The following GCC2 variants were observed in gnomAD, a reference collection of about 807,000 sequenced individuals.
GCC2 encodes the protein GRIP and coiled-coil domain-containing protein 2.
GCC2 carries 120 observed loss-of-function variants against 210.6 expected under a neutral mutation model. The ratio of observed to expected loss-of-function variants is 0.57; its 90% CI spans 0.49 to 0.66. The LOEUF (loss-of-function observed/expected upper bound fraction) is 0.66, where lower values mean the gene tolerates loss of function less well. GCC2 is among the 30% of genes least tolerant of loss of function. GCC2 has a pLI of 0.00. For synonymous variants in GCC2, 703 were observed against 652.7 expected, an observed-to-expected ratio of 1.08 and a Z score of -1.17; for missense variants, 1,868 against 1,871.9, an observed-to-expected ratio of 1.00 and a Z score of 0.04.
chr2:108,464,367 G>A (rs114539745), intron 4 of GCC2, among the ~76,000 whole-genome samples: 6 of 152,186 alleles, frequency 3.9e-5, no homozygotes, highest in East Asian at 3.9e-4. Flanking sequence ...CCAGGTTGCC[G>A]GGCAAGACAT....
At chr2:108,501,492 T>A in intron 22 of GCC2, among the ~76,000 whole-genome samples, 1 of 152,024 alleles carries the variant, frequency 6.6e-6, no homozygotes, top group Non-Finnish European at 1.5e-5. Flanking sequence ...ACATCATAGA[T>A]GGTATTGTGT....
Position 108,485,794 on chromosome 2 carries a change from C to T in GCC2, c.3715-37C>T, listed in dbSNP as rs201443391. 43 of 1,442,716 alleles carry T rather than the reference C, an allele frequency of 3.0e-5. No homozygotes were observed. The Admixed American group carries it at 8.7e-4, about 29-fold the overall frequency. The allele number at this position is 1,442,716 out of a possible 1,614,324, so 89.4% of individuals were successfully genotyped here. On this transcript the variant is annotated intron_variant, in intron 14 of 22. Coordinates refer to ENST00000309863, the MANE Select transcript of GCC2 (RefSeq NM_181453.4). ...TTATTCATAATTTATTTATGAGTAA[C>T]ATTAAAAAAAATTTAACCAAGATTC...
Position 108,471,286 on chromosome 2 carries a change from G to A in GCC2, c.1957G>A (p.Glu653Lys). Residue 653 changes from glutamate (E) to lysine (K), a missense_variant, in exon 6 of 23, where the codon GAG becomes AAG. This residue lies in a region of GCC2 where 1,847 missense variants were observed against 1,765.2 expected (regional missense o/e 1.05). Transcript: ENST00000309863. ...GGTAAATGAATTAACAGGAGGACTA[G>A]AGGAGACTTTAAAAGAAAAGGATCA... ...QKVNELTGGL[E>K]ETLKEKDQND... is the part of the protein sequence containing the mutation. 6.2e-7 allele frequency: 1 copy of A among 1,611,600 alleles called. No individual in the cohort carries two copies.
chr2:108,472,400 CAACT>C (rs997802867), intron 6 of GCC2, among the ~76,000 whole-genome samples: 2 of 152,026 alleles, frequency 1.3e-5, no homozygotes, highest in Non-Finnish European at 2.9e-5. Flanking sequence ...ACTAGCAAAA[CAACT>C]AAACATGGAA....
At chr2:108,464,702 A>G (rs748726554) in intron 4 of GCC2, among the ~76,000 whole-genome samples, 3 of 152,128 alleles carry the variant, frequency 2.0e-5, no homozygotes, top group South Asian at 2.1e-4. Flanking sequence ...TTGCATTGCT[A>G]TGAAGAAATA....
chr2:108,481,670 C>T (rs1681857287), intron 9 of GCC2, 27 bp from the exon 10 acceptor site: 4 of 1,556,848 alleles, frequency 2.6e-6, no homozygotes, highest in Non-Finnish European at 3.5e-6. Flanking sequence ...AATTATATAC[C>T]AAAGTTAAAT....
intron 7 of GCC2, chr2:108,474,997 A>C (rs545909467): frequency 6.6e-6 from 1 of 152,428 alleles, no homozygotes; most frequent in South Asian, 2.1e-4. Context: ...AATTCAGATC[A>C]TAACTGAATT....
intron 4 of GCC2, among the ~76,000 whole-genome samples, chr2:108,453,204 C>T (rs1393282793): frequency 2.6e-5 from 4 of 152,224 alleles, no homozygotes. Context: ...CAAATTGCTT[C>T]CCTTGGTTAG....
intron 4 of GCC2, among the ~76,000 whole-genome samples, chr2:108,466,497 G>C (rs576446110): frequency 6.6e-6 from 1 of 150,986 alleles, no homozygotes; most frequent in South Asian, 2.1e-4. Context: ...TTTTGAGACA[G>C]AGTCTCGCTC....
At chr2:108,477,539 C>T (rs1225064094) in intron 9 of GCC2, among the ~76,000 whole-genome samples, 2 of 152,094 alleles carry the variant, frequency 1.3e-5, no homozygotes, top group African/African-American at 2.4e-5. Flanking sequence ...ATTGTTTCAC[C>T]AACTAAGCTA....
chr2:108,449,359 G>A (rs1679772774), intron 1 of GCC2, 79 bp downstream of exon 1: 1 of 1,513,700 alleles, frequency 6.6e-7, no homozygotes, highest in Non-Finnish European at 8.9e-7. Context: ...CCCGATGGGA[G>A]GGCGCGGTAG....
intron 21 of GCC2, 74 bp downstream of exon 21, chr2:108,497,183 C>G: frequency 6.2e-7 from 1 of 1,607,436 alleles, no homozygotes; most frequent in Non-Finnish European, 8.5e-7. Flanking sequence ...CATGCACGAT[C>G]TCAGCTCACT....
Position 108,475,672 on chromosome 2 carries a change from C to CA in GCC2, c.2961+38dup, listed in dbSNP as rs754098369. 6 of 1,432,104 alleles carry CA rather than the reference C, an allele frequency of 4.2e-6. No homozygotes were observed. The South Asian group carries it at 6.2e-5, about 15-fold the overall frequency. 88.7% of individuals were successfully genotyped at this position (1,432,104 alleles called of 1,614,324 possible). On this transcript the variant is annotated intron_variant, in intron 8 of 22. Coordinates refer to ENST00000309863, the MANE Select transcript of GCC2 (RefSeq NM_181453.4). ...TTAAAAATGTAAGATTCCGGAATCT[C>CA]ACATTTTTAAAAATCAAGAGTTTTT...
rs200556970 is a variant in GCC2, at chr2:108,469,106, C to A, written c.321+22C>A. On this transcript the variant is annotated intron_variant, in intron 5 of 22. Transcript: ENST00000309863. Reference sequence around the variant, plus strand: ...TGAGGTAAGTCAATATTTTAGTGTTCTTTTCTTTTTTATTAACATATAGTG... The same window carrying A: ...TGAGGTAAGTCAATATTTTAGTGTTATTTTCTTTTTTATTAACATATAGTG... 2.5e-4 allele frequency: 360 copies of A among 1,428,428 alleles called. No individual in the cohort carries two copies. The African/African-American group carries it at 4.4e-3, about 18-fold the overall frequency. The allele number at this position is 1,428,428 out of a possible 1,614,324, so 88.5% of individuals were successfully genotyped here.
chr2:108,482,216 T>C (rs1230832762), intron 10 of GCC2, 71 bp from the exon 11 acceptor site: 3 of 832,546 alleles, frequency 3.6e-6, no homozygotes, highest in Non-Finnish European at 5.8e-6. Context: ...CTCATTAATG[T>C]ACCTGTTCAT....
intron 4 of GCC2, among the ~76,000 whole-genome samples, chr2:108,461,834 TTC>T (rs1168122653): frequency 1.4e-5 from 2 of 139,332 alleles, no homozygotes; most frequent in Non-Finnish European, 3.1e-5. Flanking sequence ...TTTTTTCTTT[TTC>T]TTTTTTTTTT....
chr2:108,477,515 C>G (rs1389337382), intron 9 of GCC2, among the ~76,000 whole-genome samples: 1 of 152,178 alleles, frequency 6.6e-6, no homozygotes, highest in Non-Finnish European at 1.5e-5. Flanking sequence ...TTCAGGGAGT[C>G]TCGTTCCAGA....
Position 108,495,613 on chromosome 2 carries a change from G to A in GCC2, c.4642+128G>A, listed in dbSNP as rs1452219234. The A allele has an allele frequency of 7.4e-6, 4 of 543,712 alleles. No individual in the cohort carries two copies. In the Admixed American group the frequency reaches 1.3e-4, roughly 17 times the overall value. 33.7% of individuals were successfully genotyped at this position (543,712 alleles called of 1,614,324 possible). A position where few individuals can be genotyped will look rare whatever the true frequency, so the allele number is the denominator to read the frequency against. On this transcript the variant is annotated intron_variant, in intron 20 of 22. Transcript: ENST00000309863. ...AATTTCTTTCAATATTCCACTACCT[G>A]TTTGTATTAGGGTTCTCTAGAGGGA... is the stretch of plus-strand genomic sequence containing the variant.
At chr2:108,503,602 A>C (rs970239459) in intron 22 of GCC2, among the ~76,000 whole-genome samples, 12 of 152,292 alleles carry the variant, frequency 7.9e-5, no homozygotes, top group African/African-American at 2.6e-4. Context: ...ATGCCAGAAG[A>C]AAGATCTGAG....
Sources: allele counts gnomAD v4.1 joint callset (sites outside exome capture counted in the v4.1 genomes callset), GRCh38; gene constraint gnomAD v4.1.1; regional missense constraint gnomAD v4.1.1; transcripts MANE v1.5; gene names NCBI Gene and HGNC (gene_info 2026-07-23, HGNC 2026-07-21).